The following SAMTOR variants were observed in gnomAD, a reference collection of about 807,000 sequenced individuals.
SAMTOR encodes UPF0532 protein C7orf60.
the SAMTOR span, among the ~76,000 whole-genome samples, chr7:112,931,308 A>C: frequency 5.4e-5 from 8 of 148,914 alleles, no homozygotes; most frequent in African/African-American, 1.8e-4. Context: ...TAATTAACAA[A>C]AAAAAAAACA....
the SAMTOR span, among the ~76,000 whole-genome samples, chr7:112,823,463 C>T: frequency 6.6e-6 from 1 of 152,074 alleles, no homozygotes; most frequent in African/African-American, 2.4e-5. Context: ...TATAAATAAT[C>T]ATTTTGAGAT....
chr7:112,834,682 T>A, the SAMTOR span, among the ~76,000 whole-genome samples: 1 of 152,156 alleles, frequency 6.6e-6, no homozygotes, highest in African/African-American at 2.4e-5. Context: ...TATCTTATGA[T>A]CCTGATATCT....
chr7:112,823,146 A>G, the SAMTOR span, among the ~76,000 whole-genome samples: 31 of 152,308 alleles, frequency 2.0e-4, no homozygotes, highest in African/African-American at 6.0e-4. Flanking sequence ...GTTAGTGTAT[A>G]TACAAGCCGG....
the SAMTOR span, among the ~76,000 whole-genome samples, chr7:112,926,645 G>A: frequency 6.6e-6 from 1 of 152,104 alleles, no homozygotes; most frequent in Non-Finnish European, 1.5e-5. Context: ...ATAACTGACA[G>A]TAGAAGATGC....
the SAMTOR span, among the ~76,000 whole-genome samples, chr7:112,877,836 G>A: frequency 1.6e-4 from 25 of 152,202 alleles, no homozygotes; most frequent in East Asian, 1.6e-3. Flanking sequence ...CCCCAAACTT[G>A]CTCCTGCTTT....
the SAMTOR span, among the ~76,000 whole-genome samples, chr7:112,884,820 C>G: frequency 6.6e-5 from 10 of 152,208 alleles, no homozygotes; most frequent in Non-Finnish European, 1.0e-4. Context: ...CTCTGCTAGG[C>G]AGTGCCCCAG....
At chr7:112,838,318 G>A in the SAMTOR span, among the ~76,000 whole-genome samples, 1 of 151,932 alleles carries the variant, frequency 6.6e-6, no homozygotes, top group South Asian at 2.1e-4. Context: ...ATGTTTATAA[G>A]TGGGCAAGTT....
chr7:112,822,783 A>G, the SAMTOR span, among the ~76,000 whole-genome samples: 3 of 152,260 alleles, frequency 2.0e-5, no homozygotes, highest in South Asian at 6.2e-4. Flanking sequence ...AATAAAGATG[A>G]ATCAAATAAA....
the SAMTOR span, among the ~76,000 whole-genome samples, chr7:112,907,319 A>C: frequency 0.21 from 31,328 of 152,138 alleles, 4,751 homozygotes; most frequent in East Asian, 0.77. Flanking sequence ...CACAAGAAAG[A>C]CCAAATTTGA....
At chr7:112,901,978 C>T in the SAMTOR span, among the ~76,000 whole-genome samples, 1 of 152,050 alleles carries the variant, frequency 6.6e-6, no homozygotes, top group African/African-American at 2.4e-5. Flanking sequence ...GATATCAAGC[C>T]ATAAAAAGAC....
chr7:112,900,294 AC>A, the SAMTOR span, among the ~76,000 whole-genome samples: 4 of 151,932 alleles, frequency 2.6e-5, no homozygotes, highest in South Asian at 8.3e-4. Context: ...TGGTCCAAGT[AC>A]AAAAAGGCTT....
chr7:112,870,689 T>C, the SAMTOR span, among the ~76,000 whole-genome samples: 1 of 151,650 alleles, frequency 6.6e-6, no homozygotes, highest in Admixed American at 6.6e-5. Context: ...CATATCAATA[T>C]TAACCTTGAA....
the SAMTOR span, among the ~76,000 whole-genome samples, chr7:112,841,187 G>A: frequency 3.9e-5 from 6 of 152,014 alleles, no homozygotes; most frequent in Admixed American, 3.9e-4. Flanking sequence ...AAACCCCATC[G>A]TCTCAGACCA....
chr7:112,931,521 A>T, the SAMTOR span, among the ~76,000 whole-genome samples: 1 of 152,340 alleles, frequency 6.6e-6, no homozygotes, highest in South Asian at 2.1e-4. Flanking sequence ...CCAACATGTT[A>T]TTCCCTTGTG....
the SAMTOR span, among the ~76,000 whole-genome samples, chr7:112,864,886 C>T: frequency 3.9e-5 from 6 of 152,326 alleles, no homozygotes; most frequent in South Asian, 1.0e-3. Flanking sequence ...TCCCAAGTAG[C>T]TAGGACAGAG....
the SAMTOR span, among the ~76,000 whole-genome samples, chr7:112,917,954 G>C: frequency 6.6e-6 from 1 of 152,208 alleles, no homozygotes; most frequent in African/African-American, 2.4e-5. Context: ...TATGTGAAAA[G>C]ACCAAATCTA....
chr7:112,903,111 C>T, the SAMTOR span, among the ~76,000 whole-genome samples: 1 of 152,204 alleles, frequency 6.6e-6, no homozygotes, highest in South Asian at 2.1e-4. Flanking sequence ...GTCAGGAGTT[C>T]AAGACCCGCC....
the SAMTOR span, among the ~76,000 whole-genome samples, chr7:112,936,823 C>T: frequency 2.0e-5 from 3 of 152,130 alleles, no homozygotes; most frequent in African/African-American, 7.2e-5. Context: ...CATACCTATC[C>T]TATGGATCAT....
the SAMTOR span, among the ~76,000 whole-genome samples, chr7:112,826,451 AGTT>A: frequency 2.6e-5 from 4 of 152,166 alleles, no homozygotes; most frequent in Non-Finnish European, 5.9e-5. Flanking sequence ...ATTGGCATAA[AGTT>A]GTTCAAAATA....
Sources: allele counts gnomAD v4.1 joint callset (sites outside exome capture counted in the v4.1 genomes callset), GRCh38; gene constraint gnomAD v4.1.1; transcripts MANE v1.5; gene names NCBI Gene and HGNC (gene_info 2026-07-23, HGNC 2026-07-21).